CNTN1: variants seen among roughly 807,000 people sequenced by gnomAD.
CNTN1 encodes the protein contactin-1.
In CNTN1, 38 loss-of-function variants were observed where a neutral mutation model predicts 126.4. That is an observed-to-expected ratio of 0.30 (90% CI 0.23 to 0.39). The LOEUF (loss-of-function observed/expected upper bound fraction) is 0.39. CNTN1 is among the 10% of genes least tolerant of loss of function. The pLI is 1.00. For synonymous variants in CNTN1, 413 were observed against 422.6 expected (o/e 0.98, Z 0.28); for missense variants, 1,009 against 1,248.4 (o/e 0.81, Z 2.89).
At chr12:40,919,426 C>T (rs1490678290) in intron 4 of CNTN1, among the ~76,000 whole-genome samples, 1 of 152,090 alleles carries the variant, frequency 6.6e-6, no homozygotes, top group Non-Finnish European at 1.5e-5. Flanking sequence ...TCATCTGATG[C>T]AAAGAATGAG....
At chr12:40,818,707 C>T (rs1028664744) in intron 1 of CNTN1, among the ~76,000 whole-genome samples, 1 of 152,112 alleles carries the variant, frequency 6.6e-6, no homozygotes, top group Admixed American at 6.5e-5. Context: ...AGTTCTGTGC[C>T]CTTGATGGAA....
chr12:40,739,983 T>A (rs1332279291), intron 1 of CNTN1, among the ~76,000 whole-genome samples: 2 of 152,052 alleles, frequency 1.3e-5, no homozygotes, highest in African/African-American at 4.8e-5. Flanking sequence ...AATCTGAGCT[T>A]CCTCTGTTAG....
intron 1 of CNTN1, among the ~76,000 whole-genome samples, chr12:40,716,334 C>T (rs2121192294): frequency 6.6e-6 from 1 of 150,970 alleles, no homozygotes; most frequent in African/African-American, 2.4e-5. Context: ...CCCTTCCTTT[C>T]CTCCTTCCCC....
chr12:41,007,154 G>C (rs962080758), intron 17 of CNTN1, among the ~76,000 whole-genome samples: 26 of 141,966 alleles, frequency 1.8e-4, no homozygotes, highest in Admixed American at 2.2e-4. Context: ...CCGCCTCCCG[G>C]GTTCACGCCA....
rs532768246 is a variant in CNTN1, at chr12:40,752,898, T to C, written c.-77+60306T>C. On this transcript the variant is annotated intron_variant, in intron 1 of 23. Transcript: ENST00000551295. ...GAGATTATCTCATTCAATCAATTTATGTTATAATTAAAACTGAAGTTTAAA... is the reference window on the plus strand; with the variant it reads ...GAGATTATCTCATTCAATCAATTTACGTTATAATTAAAACTGAAGTTTAAA... Among the ~76,000 whole-genome samples, 7 of 152,274 alleles carry C rather than the reference T, an allele frequency of 4.6e-5. No individual in the cohort carries two copies. The South Asian group carries it at 8.3e-4, about 18-fold the overall frequency.
Position 40,697,529 on chromosome 12 carries a change from C to T in CNTN1, c.-77+4937C>T, listed in dbSNP as rs376198362. On this transcript the variant is annotated intron_variant, in intron 1 of 23. Coordinates refer to ENST00000551295, the MANE Select transcript of CNTN1 (RefSeq NM_001843.4). ...ATTTTAAAAAATGCTTTCTAACACA[C>T]AGAAATGTATAGCTTTACTGTAGTT... 2.9e-4 allele frequency among the ~76,000 whole-genome samples: 44 copies of T among 152,284 alleles called. 1 individual carries two copies. Among genetic ancestry groups the T allele is most frequent in the Middle Eastern group, 3.4e-3 (1 of 294 alleles).
intron 1 of CNTN1, among the ~76,000 whole-genome samples, chr12:40,714,971 G>A (rs917976108): frequency 6.6e-6 from 1 of 152,096 alleles, no homozygotes; most frequent in African/African-American, 2.4e-5. Flanking sequence ...AAAATTCTCT[G>A]TGAAAGAAAA....
chr12:40,899,592 C>T (rs1308877189), intron 1 of CNTN1, among the ~76,000 whole-genome samples: 1 of 152,122 alleles, frequency 6.6e-6, no homozygotes, highest in Admixed American at 6.6e-5. Context: ...ACGTGTGGCC[C>T]TGGAACACAT....
chr12:40,770,983 C>T (rs543739695), intron 1 of CNTN1, among the ~76,000 whole-genome samples: 8 of 151,988 alleles, frequency 5.3e-5, no homozygotes, highest in African/African-American at 1.9e-4. Flanking sequence ...TCATTGTTTT[C>T]CAATCCTGTG....
chr12:40,862,208 T>C (rs12581115), intron 1 of CNTN1, among the ~76,000 whole-genome samples: 14,891 of 147,310 alleles, frequency 0.1, 876 homozygotes, highest in Non-Finnish European at 0.13. Flanking sequence ...TGTCTCTTAA[T>C]ACACACACAC....
intron 18 of CNTN1, 127 bp downstream of exon 18, chr12:41,014,425 A>AT (rs371290762): frequency 2.8e-3 from 2,581 of 927,604 alleles, no homozygotes; most frequent in Non-Finnish European, 3.3e-3. Context: ...ATATATTACT[A>AT]TTTTTTTTTC....
intron 1 of CNTN1, among the ~76,000 whole-genome samples, chr12:40,708,261 A>G (rs1941820582): frequency 6.6e-6 from 1 of 152,254 alleles, no homozygotes; most frequent in Non-Finnish European, 1.5e-5. Flanking sequence ...GACCACTGCA[A>G]TAAAGCCAGT....
chr12:40,938,993 CT>C (rs1022581078), intron 11 of CNTN1, among the ~76,000 whole-genome samples: 18 of 152,192 alleles, frequency 1.2e-4, no homozygotes, highest in African/African-American at 4.1e-4. Context: ...CCAGTCTGCT[CT>C]CAAACTCCTG....
At chr12:40,963,562 TTTTAAAATGTTAATATTAATA>T (rs1383705137) in intron 15 of CNTN1, among the ~76,000 whole-genome samples, 1 of 149,042 alleles carries the variant, frequency 6.7e-6, no homozygotes, top group African/African-American at 2.5e-5. Context: ...AATATTTATA[TTTTAAAATGTTAATATTAATA>T]TTTAAAATGT....
chr12:41,016,040 A>C (rs1456360773), intron 18 of CNTN1, among the ~76,000 whole-genome samples: 1 of 152,220 alleles, frequency 6.6e-6, no homozygotes, highest in African/African-American at 2.4e-5. Context: ...CACAAGGTAG[A>C]TATTCTAGGC....
intron 1 of CNTN1, among the ~76,000 whole-genome samples, chr12:40,845,725 C>G (rs71449782): frequency 0.033 from 5,072 of 152,174 alleles, 114 homozygotes; most frequent in Middle Eastern, 0.11. Flanking sequence ...AGGGAGCATC[C>G]CACTTGGTGA....
intron 1 of CNTN1, among the ~76,000 whole-genome samples, chr12:40,744,405 T>G (rs1363811941): frequency 6.6e-6 from 1 of 152,040 alleles, no homozygotes; most frequent in Admixed American, 6.6e-5. Context: ...TGGAATGGAA[T>G]AGCCTGCATT....
intron 1 of CNTN1, among the ~76,000 whole-genome samples, chr12:40,887,656 A>G (rs879364523): frequency 1.0e-3 from 158 of 152,068 alleles, no homozygotes; most frequent in Non-Finnish European, 1.9e-3. Context: ...CAGCCATCCC[A>G]TTACTGGGTA....
chr12:40,904,297 G>A (rs1278552415), intron 1 of CNTN1, among the ~76,000 whole-genome samples: 3 of 152,008 alleles, frequency 2.0e-5, no homozygotes, highest in East Asian at 1.9e-4. Flanking sequence ...GATTACAGGC[G>A]TGAGCCACCC....
Sources: allele counts gnomAD v4.1 joint callset (sites outside exome capture counted in the v4.1 genomes callset), GRCh38; gene constraint gnomAD v4.1.1; transcripts MANE v1.5; gene names NCBI Gene and HGNC (gene_info 2026-07-23, HGNC 2026-07-21).